Variants in UBR1 observed in about 807,000 individuals in gnomAD.
UBR1 encodes E3 ubiquitin-protein ligase UBR1.
UBR1 carries 102 observed loss-of-function variants against 242.1 expected under a neutral mutation model. The ratio of observed to expected loss-of-function variants is 0.42; its 90% CI spans 0.36 to 0.50. UBR1 has a LOEUF of 0.50. UBR1 is among the 20% of genes least tolerant of loss of function. The probability of loss-of-function intolerance (pLI) is 0.01; values close to 1 mark genes in which losing one functional copy is unlikely to be tolerated. For missense variants in UBR1, 1,772 were observed against 2,101.8 expected (o/e 0.84, Z 3.07); for synonymous variants, 675 against 684.8 (o/e 0.99, Z 0.22).
chr15:43,014,992 C>T (rs1012823781), intron 29 of UBR1, among the ~76,000 whole-genome samples: 19 of 151,488 alleles, frequency 1.3e-4, no homozygotes, highest in Admixed American at 3.9e-4. Context: ...AGCCCCCGCC[C>T]GGCCAGACGC....
chr15:43,035,448 T>C (rs2033320257), intron 19 of UBR1, among the ~76,000 whole-genome samples: 1 of 152,112 alleles, frequency 6.6e-6, no homozygotes, highest in Non-Finnish European at 1.5e-5. Flanking sequence ...TCTGTTCATG[T>C]CCTTTGCCCA....
At chr15:43,066,899 C>T (rs1167666277) in intron 6 of UBR1, among the ~76,000 whole-genome samples, 1 of 152,212 alleles carries the variant, frequency 6.6e-6, no homozygotes, top group Non-Finnish European at 1.5e-5. Flanking sequence ...GCTAGAAGTA[C>T]AGGCATGAGC....
intron 2 of UBR1, among the ~76,000 whole-genome samples, chr15:43,083,766 G>C (rs563349812): frequency 6.6e-6 from 1 of 152,166 alleles, no homozygotes; most frequent in South Asian, 2.1e-4. Flanking sequence ...AGGCTGGCCA[G>C]GCTTGGTGGC....
chr15:42,981,732 C>T lies in UBR1; in HGVS notation c.4150+2165G>A, dbSNP rs146649875. Among the ~76,000 whole-genome samples, 1,386 of 152,160 alleles carry T rather than the reference C, an allele frequency of 9.1e-3. 17 individuals carry two copies. The highest frequency in any genetic ancestry group is 0.031 in the African/African-American group (1,305 of 41,508). ...GTCTCGACCTCCTGACCTCGTGATC[C>T]GCCGCACCCAGCCACTTGTCTCAAT... On this transcript the variant is annotated intron_variant, in intron 37 of 46. Coordinates refer to ENST00000290650, the MANE Select transcript of UBR1 (RefSeq NM_174916.3).
chr15:42,978,379 A>G (rs2032322011), intron 37 of UBR1, among the ~76,000 whole-genome samples: 1 of 152,246 alleles, frequency 6.6e-6, no homozygotes, highest in Non-Finnish European at 1.5e-5. Flanking sequence ...GAGTAGGTAA[A>G]ATGAGGATGG....
intron 6 of UBR1, among the ~76,000 whole-genome samples, chr15:43,064,741 T>TA (rs2033732122): frequency 6.6e-6 from 1 of 152,068 alleles, no homozygotes; most frequent in South Asian, 2.1e-4. Context: ...TACGCCCAGC[T>TA]AATTTTGTAT....
chr15:43,038,297 T>C (rs770272373), intron 15 of UBR1, 65 bp from the exon 16 acceptor site: 30 of 1,514,842 alleles, frequency 2.0e-5, no homozygotes, highest in Non-Finnish European at 2.7e-5. Context: ...AGTTAACTCA[T>C]CAAGTTTAGA....
chr15:42,951,861 C>T (rs1442958575), intron 45 of UBR1, among the ~76,000 whole-genome samples: 3 of 151,914 alleles, frequency 2.0e-5, no homozygotes, highest in Non-Finnish European at 4.4e-5. Context: ...ATCCTCTTGC[C>T]TCAGCCTCCC....
chr15:42,989,918 G>A, intron 34 of UBR1, 112 bp downstream of exon 34: 1 of 798,580 alleles, frequency 1.3e-6, no homozygotes, highest in Non-Finnish European at 2.0e-6. Context: ...ACAAGATAAT[G>A]GGATAAACTA....
At chr15:43,017,289 C>T in intron 27 of UBR1, 108 bp from the exon 28 acceptor site, 1 of 759,302 alleles carries the variant, frequency 1.3e-6, no homozygotes, top group East Asian at 2.7e-5. Context: ...AAATGTCTTT[C>T]ACTTAAACTA....
At position 43,038,338 on chromosome 15, in the gene UBR1, G is replaced by A. The variant is rs887401318; in HGVS notation, c.1850-106C>T. ...GTGCGATTTGATTTGGCTGGGCGCGGTGGCTCATGCCTGTAATCTCAGCAC... is the reference window on the plus strand; with the variant it reads ...GTGCGATTTGATTTGGCTGGGCGCGATGGCTCATGCCTGTAATCTCAGCAC... On this transcript the variant is annotated intron_variant, in intron 15 of 46. Transcript: ENST00000290650. 3.1e-5 allele frequency: 34 copies of A among 1,104,202 alleles called. 1 individual carries two copies. The Admixed American group carries it at 3.4e-4, about 11-fold the overall frequency. 68.4% of individuals were successfully genotyped at this position (1,104,202 alleles called of 1,614,324 possible). A position where few individuals can be genotyped will look rare whatever the true frequency, so the allele number is the denominator to read the frequency against.
chr15:43,066,113 G>A (rs2033749301), intron 6 of UBR1, among the ~76,000 whole-genome samples: 1 of 152,134 alleles, frequency 6.6e-6, no homozygotes. Context: ...TTACATTTAA[G>A]TCTTTAATCT....
chr15:42,972,982 G>C (rs2032231172), intron 39 of UBR1, among the ~76,000 whole-genome samples: 1 of 152,218 alleles, frequency 6.6e-6, no homozygotes, highest in Non-Finnish European at 1.5e-5. Context: ...GAGAGTTCCT[G>C]TTGCTCCACA....
At chr15:43,063,850 C>A (rs1050475415) in intron 6 of UBR1, among the ~76,000 whole-genome samples, 1 of 152,094 alleles carries the variant, frequency 6.6e-6, no homozygotes, top group Non-Finnish European at 1.5e-5. Flanking sequence ...GATTCTCCTG[C>A]CTCAGCCTCC....
At chr15:42,949,306 C>A (rs1484158800) in intron 46 of UBR1, among the ~76,000 whole-genome samples, 2 of 149,276 alleles carry the variant, frequency 1.3e-5, no homozygotes, top group African/African-American at 4.9e-5. Context: ...GGAGGGATAG[C>A]ATTTGGAGAT....
chr15:43,082,695 T>G lies in UBR1; in HGVS notation c.360A>C (p.Thr120=). ...YSCRDCAIDP[T]CVLCMDCFQD... ...GGAAGCAGTCCATACAGAGTACACA[T>G]GTTGGATCAATTGCACAATCCCTGA... The change falls in exon 3 of 47, where the codon ACA becomes ACC. Residue 120 remains threonine (T), a synonymous_variant. Coordinates refer to ENST00000290650, the MANE Select transcript of UBR1 (RefSeq NM_174916.3). 6.2e-7 allele frequency: 1 copy of G among 1,613,828 alleles called. No individual in the cohort carries two copies. Among genetic ancestry groups the G allele is most frequent in the Non-Finnish European group, 8.5e-7 (1 of 1,179,848 alleles).
At chr15:43,085,854 T>C in intron 2 of UBR1, 130 bp downstream of exon 2, 1 of 977,610 alleles carries the variant, frequency 1.0e-6, no homozygotes, top group Admixed American at 2.8e-5. Context: ...AGGCAGAGGT[T>C]GCAGTGACGT....
intron 21 of UBR1, among the ~76,000 whole-genome samples, chr15:43,028,557 C>T (rs937014977): frequency 1.3e-5 from 2 of 151,336 alleles, no homozygotes; most frequent in Admixed American, 1.3e-4. Flanking sequence ...CCAGCCTGGC[C>T]AACATAGTGA....
At chr15:43,017,053 GATGA>G in intron 28 of UBR1, 38 bp downstream of exon 28, 1 of 1,504,782 alleles carries the variant, frequency 6.6e-7, no homozygotes, top group African/African-American at 1.4e-5. Flanking sequence ...CAAAGACAGA[GATGA>G]ATGTCACCAT....
Sources: allele counts gnomAD v4.1 joint callset (sites outside exome capture counted in the v4.1 genomes callset), GRCh38; gene constraint gnomAD v4.1.1; transcripts MANE v1.5; gene names NCBI Gene and HGNC (gene_info 2026-07-23, HGNC 2026-07-21).